The following KCNMB2 variants were observed in gnomAD, a reference collection of about 807,000 sequenced individuals.
The protein encoded by KCNMB2 is calcium-activated potassium channel subunit beta-2.
KCNMB2 carries 9 observed loss-of-function variants against 24.5 expected under a neutral mutation model. The observed-to-expected ratio is 0.37, with a 90% CI of 0.22 to 0.64. KCNMB2 has a LOEUF of 0.64. KCNMB2 is among the 30% of genes least tolerant of loss of function. The pLI is 0.63. For synonymous variants in KCNMB2, 109 were observed against 104.4 expected, an observed-to-expected ratio of 1.04 and a Z score of -0.27; for missense variants, 226 against 284.3, an observed-to-expected ratio of 0.79 and a Z score of 1.47.
chr3:178,757,533 GAT>G (rs559969917), intron 1 of KCNMB2, among the ~76,000 whole-genome samples: 12 of 26,972 alleles, frequency 4.4e-4, no homozygotes, highest in East Asian at 4.4e-3. Context: ...TATCCAAGAG[GAT>G]ATATATATAT....
intron 1 of KCNMB2, among the ~76,000 whole-genome samples, chr3:178,544,824 C>T (rs1161710916): frequency 6.6e-6 from 1 of 151,980 alleles, no homozygotes; most frequent in Non-Finnish European, 1.5e-5. Flanking sequence ...TAATTTTTAG[C>T]CAGATAATTA....
At chr3:178,719,705 C>A (rs906543107) in intron 1 of KCNMB2, among the ~76,000 whole-genome samples, 1 of 152,150 alleles carries the variant, frequency 6.6e-6, no homozygotes, top group Non-Finnish European at 1.5e-5. Context: ...ATCTTTATGT[C>A]CAAATATACA....
chr3:178,563,365 C>T (rs181815014), intron 1 of KCNMB2, among the ~76,000 whole-genome samples: 40 of 152,200 alleles, frequency 2.6e-4, no homozygotes, highest in Admixed American at 5.9e-4. Context: ...AAAGCTTAAA[C>T]GAGTTGTTTC....
chr3:178,684,823 C>T (rs1721404715), intron 1 of KCNMB2, among the ~76,000 whole-genome samples: 1 of 152,148 alleles, frequency 6.6e-6, no homozygotes, highest in Non-Finnish European at 1.5e-5. Flanking sequence ...AAGAGCGAAA[C>T]TCCGTCTCAA....
intron 1 of KCNMB2, among the ~76,000 whole-genome samples, chr3:178,622,152 T>A (rs1329380538): frequency 6.6e-6 from 1 of 152,246 alleles, no homozygotes; most frequent in African/African-American, 2.4e-5. Context: ...ACTAGTCATG[T>A]AATAAGTTGT....
chr3:178,827,536 G>C (rs1421906309), intron 3 of KCNMB2, among the ~76,000 whole-genome samples: 4 of 152,290 alleles, frequency 2.6e-5, no homozygotes, highest in Non-Finnish European at 5.9e-5. Context: ...ACAAAAGAAG[G>C]TAATGTATGT....
At chr3:178,825,833 A>AGTCATGG (rs1714812549) in intron 3 of KCNMB2, 75 bp downstream of exon 3, 4 of 1,163,600 alleles carry the variant, frequency 3.4e-6, no homozygotes, top group Non-Finnish European at 4.9e-6. Context: ...GGCAACCCTA[A>AGTCATGG]GGTCATCTTC....
chr3:178,804,258 G>A (rs568977585), intron 1 of KCNMB2, among the ~76,000 whole-genome samples: 1 of 152,162 alleles, frequency 6.6e-6, no homozygotes, highest in African/African-American at 2.4e-5. Flanking sequence ...AGGAGTTCAG[G>A]GGGGCTGTCT....
chr3:178,709,822 T>G (rs963214893), intron 1 of KCNMB2, among the ~76,000 whole-genome samples: 2 of 152,164 alleles, frequency 1.3e-5, no homozygotes, highest in African/African-American at 4.8e-5. Flanking sequence ...ATTTAAGCCA[T>G]TCTATGTACA....
intron 1 of KCNMB2, among the ~76,000 whole-genome samples, chr3:178,774,029 C>G (rs1020851856): frequency 5.9e-5 from 9 of 152,118 alleles, no homozygotes; most frequent in Admixed American, 5.9e-4. Context: ...AGAGACCACT[C>G]CATTGATGAA....
chr3:178,828,925 C>CTGTG lies in KCNMB2; in HGVS notation c.423+598_423+601dup, dbSNP rs71181254. ...GCATGCTACTTTCAACCCATGGTCA[C>CTGTG]TGTGTGTGTGTGTGTGTGTGTGTGT... On this transcript the variant is annotated intron_variant, in intron 4 of 4. Transcript: ENST00000452583. Among the ~76,000 whole-genome samples, 1,206 of 142,772 alleles carry CTGTG rather than the reference C, an allele frequency of 8.4e-3. 21 individuals are homozygous for CTGTG. Among genetic ancestry groups the CTGTG allele is most frequent in the East Asian group, 0.058 (258 of 4,448 alleles). 93.7% of individuals were successfully genotyped at this position (142,772 alleles called of 152,430 possible). A position where few individuals can be genotyped will look rare whatever the true frequency, so the allele number is the denominator to read the frequency against.
intron 1 of KCNMB2, among the ~76,000 whole-genome samples, chr3:178,542,918 T>C (rs886374117): frequency 1.3e-5 from 2 of 152,186 alleles, no homozygotes; most frequent in Non-Finnish European, 2.9e-5. Flanking sequence ...TAGGTAGTAA[T>C]GGTATATTAT....
chr3:178,839,818 G>A (rs564344197), intron 4 of KCNMB2, among the ~76,000 whole-genome samples: 3 of 152,200 alleles, frequency 2.0e-5, no homozygotes, highest in African/African-American at 2.4e-5. Context: ...TGGAAATTAC[G>A]ATTTGAGATG....
At chr3:178,785,244 T>A (rs1306106359) in intron 1 of KCNMB2, among the ~76,000 whole-genome samples, 1 of 152,054 alleles carries the variant, frequency 6.6e-6, no homozygotes, top group Non-Finnish European at 1.5e-5. Context: ...TTGAAAGATT[T>A]AGAGTAAATG....
At chr3:178,585,019 TCAG>T (rs1203145089) in intron 1 of KCNMB2, among the ~76,000 whole-genome samples, 1 of 152,218 alleles carries the variant, frequency 6.6e-6, no homozygotes, top group Admixed American at 6.5e-5. Context: ...ATTTTTGGCT[TCAG>T]CAGCAGCGCT....
chr3:178,751,149 A>G (rs1404965808), intron 1 of KCNMB2, among the ~76,000 whole-genome samples: 1 of 152,174 alleles, frequency 6.6e-6, no homozygotes, highest in Admixed American at 6.5e-5. Flanking sequence ...ATACTTATCT[A>G]TTGATGTTAT....
chr3:178,813,626 T>TG (rs1464914865), intron 2 of KCNMB2, among the ~76,000 whole-genome samples: 1 of 152,220 alleles, frequency 6.6e-6, no homozygotes, highest in Non-Finnish European at 1.5e-5. Context: ...CTTACTCTAT[T>TG]GGCAGGAACT....
intron 1 of KCNMB2, among the ~76,000 whole-genome samples, chr3:178,740,222 C>A (rs1483439471): frequency 6.6e-6 from 1 of 151,918 alleles, no homozygotes; most frequent in Non-Finnish European, 1.5e-5. Flanking sequence ...GGGTTCACAC[C>A]ATTCCCCTAC....
At chr3:178,643,886 C>T (rs372166129) in intron 1 of KCNMB2, among the ~76,000 whole-genome samples, 1 of 152,318 alleles carries the variant, frequency 6.6e-6, no homozygotes. Flanking sequence ...TATCATCATC[C>T]CTCAAGAGCT....
Sources: gnomAD v4.1 joint callset for allele counts (sites outside exome capture counted in the v4.1 genomes callset) on GRCh38, gnomAD v4.1.1 for gene constraint, MANE v1.5 for transcripts, NCBI Gene and HGNC (gene_info 2026-07-23, HGNC 2026-07-21) for gene names.